PDS5B: variants seen among roughly 807,000 people sequenced by gnomAD.
PDS5B encodes sister chromatid cohesion protein PDS5 homolog B.
A neutral mutation model predicts 184.1 loss-of-function variants in PDS5B; 51 were observed. The ratio of observed to expected loss-of-function variants is 0.28; its 90% CI spans 0.22 to 0.35. The LOEUF (loss-of-function observed/expected upper bound fraction) is 0.35. Among genes scored for constraint, PDS5B ranks in the 10% least tolerant of loss-of-function variants. PDS5B has a pLI of 1.00. For missense variants in PDS5B, 1,180 were observed against 1,723.3 expected, an observed-to-expected ratio of 0.68 and a Z score of 5.58; for synonymous variants, 566 against 569.2, an observed-to-expected ratio of 0.99 and a Z score of 0.08.
intron 14 of PDS5B, among the ~76,000 whole-genome samples, chr13:32,695,583 TA>T (rs1486562075): frequency 1.3e-5 from 2 of 152,026 alleles, no homozygotes; most frequent in African/African-American, 4.8e-5. Flanking sequence ...CTTACATGTA[TA>T]TAAAATTATT....
At chr13:32,631,388 C>T (rs147098543) in intron 1 of PDS5B, among the ~76,000 whole-genome samples, 70 of 152,246 alleles carry the variant, frequency 4.6e-4, no homozygotes, top group African/African-American at 1.2e-3. Context: ...CCGTGGCGCT[C>T]GGCCCCTATT....
In PDS5B at chr13:32,648,847, A is replaced by G. The variant is rs1314670210; in HGVS notation, c.75A>G (p.Lys25=). 2.6e-6 allele frequency: 4 copies of G among 1,527,254 alleles called. No individual in the cohort carries two copies. In the South Asian group the frequency reaches 4.5e-5, roughly 17 times the overall value. 94.6% of individuals were successfully genotyped at this position (1,527,254 alleles called of 1,614,324 possible). Residue 25 remains lysine (K), a synonymous_variant, in exon 2 of 35, where the codon AAA becomes AAG. Coordinates refer to ENST00000315596, the MANE Select transcript of PDS5B (RefSeq NM_015032.4). ...YPPGVKEISD[K]ISKEEMVRRL... ...CTGGGGTCAAGGAAATATCAGATAA[A>G]ATATCTAAAGAGGAGATGGTGAGAC... is the stretch of plus-strand genomic sequence containing the variant.
At chr13:32,657,165 G>T (rs1950535875) in intron 3 of PDS5B, among the ~76,000 whole-genome samples, 1 of 152,306 alleles carries the variant, frequency 6.6e-6, no homozygotes, top group African/African-American at 2.4e-5. Context: ...AATTCTGTCA[G>T]TGGAGTGTTA....
At chr13:32,689,281 A>C (rs1268902211) in intron 13 of PDS5B, 2 of 152,114 alleles carry the variant, frequency 1.3e-5, no homozygotes, top group Non-Finnish European at 2.9e-5. Context: ...GCTGTATGTA[A>C]TTTTCATTTG....
intron 20 of PDS5B, among the ~76,000 whole-genome samples, chr13:32,733,985 A>AACACAC (rs148714647): frequency 0.024 from 3,399 of 142,008 alleles, 62 homozygotes; most frequent in Non-Finnish European, 0.035. Flanking sequence ...CAAAAATTAA[A>AACACAC]ACACACACAC....
intron 31 of PDS5B, among the ~76,000 whole-genome samples, chr13:32,767,204 C>T (rs116705790): frequency 0.018 from 2,716 of 152,092 alleles, 58 homozygotes; most frequent in African/African-American, 0.052. Flanking sequence ...ACTTAAGATC[C>T]GTTCTTGACA....
At chr13:32,617,039 A>G (rs2058229970) in intron 1 of PDS5B, among the ~76,000 whole-genome samples, 1 of 152,188 alleles carries the variant, frequency 6.6e-6, no homozygotes, top group African/African-American at 2.4e-5. Context: ...GTCTTTGCGT[A>G]GAGAACTCAT....
chr13:32,636,930 TG>T (rs965407688), intron 1 of PDS5B, among the ~76,000 whole-genome samples: 1 of 152,178 alleles, frequency 6.6e-6, no homozygotes, highest in Non-Finnish European at 1.5e-5. Context: ...TAGCCAGGCA[TG>T]AGGGCTAGAG....
At chr13:32,610,895 GT>G (rs2058131132) in intron 1 of PDS5B, among the ~76,000 whole-genome samples, 1 of 151,914 alleles carries the variant, frequency 6.6e-6, no homozygotes, top group African/African-American at 2.4e-5. Context: ...TCTCCTCTTA[GT>G]ATTATACCAT....
intron 1 of PDS5B, among the ~76,000 whole-genome samples, chr13:32,641,289 T>C (rs1950081516): frequency 6.6e-6 from 1 of 152,142 alleles, no homozygotes; most frequent in African/African-American, 2.4e-5. Context: ...TCAATACCTG[T>C]TTTTCATTGA....
chr13:32,719,396 T>C (rs1952589885), intron 19 of PDS5B, among the ~76,000 whole-genome samples: 1 of 152,182 alleles, frequency 6.6e-6, no homozygotes, highest in South Asian at 2.1e-4. Context: ...TTGCCCACGC[T>C]GGTCTTGATC....
intron 19 of PDS5B, 31 bp downstream of exon 19, chr13:32,710,137 G>T: frequency 1.5e-6 from 2 of 1,368,854 alleles, no homozygotes; most frequent in Non-Finnish European, 1.9e-6. Context: ...AAAATATTCT[G>T]GACATCAGAA....
chr13:32,599,328 A>T (rs994672463), intron 1 of PDS5B, among the ~76,000 whole-genome samples: 3 of 151,562 alleles, frequency 2.0e-5, no homozygotes, highest in Admixed American at 1.3e-4. Context: ...CAGTGGCGTG[A>T]TCTCAGCTCA....
chr13:32,645,580 C>G lies in PDS5B; in HGVS notation c.-19-3174C>G, dbSNP rs116898066. Among the ~76,000 whole-genome samples the G allele has an allele frequency of 4.9e-3, 739 of 152,200 alleles. 2 individuals are homozygous for G. The highest frequency in any genetic ancestry group is 7.7e-3 in the Non-Finnish European group (525 of 67,998). ...TCTACATTTTCAAATGTTATATTAT[C>G]AAATTTATAAGATTGACCTGTGATT... On this transcript the variant is annotated intron_variant, in intron 1 of 34. Transcript: ENST00000315596.
At chr13:32,646,980 A>C (rs552645088) in intron 1 of PDS5B, among the ~76,000 whole-genome samples, 8 of 152,274 alleles carry the variant, frequency 5.3e-5, no homozygotes, top group Admixed American at 1.3e-4. Flanking sequence ...TTTAAATGCT[A>C]TTCCTTTCAA....
Position 32,775,260 on chromosome 13 carries a change from A to G in PDS5B, c.*208A>G, listed in dbSNP as rs1954921485. On this transcript the variant is annotated 3_prime_UTR_variant, in exon 35 of 35. Coordinates refer to ENST00000315596, the MANE Select transcript of PDS5B (RefSeq NM_015032.4). The stretch of plus-strand genomic sequence containing the variant: ...GTAACATTGACTATGGAGTCTTGTG[A>G]AAGTGTAATGTGCGATGGCTATGTA... The G allele has an allele frequency of 5.3e-6, 3 of 570,762 alleles. No homozygotes were observed. In the South Asian group the frequency reaches 6.9e-5, roughly 13 times the overall value. 35.4% of individuals were successfully genotyped at this position (570,762 alleles called of 1,614,324 possible).
At chr13:32,589,370 T>C (rs1420429416) in intron 1 of PDS5B, among the ~76,000 whole-genome samples, 1 of 152,210 alleles carries the variant, frequency 6.6e-6, no homozygotes, top group Non-Finnish European at 1.5e-5. Flanking sequence ...TTTTTATTCA[T>C]TTAACCAAGA....
intron 10 of PDS5B, 94 bp downstream of exon 10, chr13:32,679,023 G>A (rs1417108108): frequency 4.8e-6 from 3 of 621,556 alleles, no homozygotes; most frequent in Non-Finnish European, 8.6e-6. Context: ...TTTTTCGGGG[G>A]TGGTAGGTGA....
At chr13:32,716,809 T>C (rs1474168635) in intron 19 of PDS5B, among the ~76,000 whole-genome samples, 21 of 68,940 alleles carry the variant, frequency 3.0e-4, no homozygotes, top group South Asian at 1.3e-3. Flanking sequence ...GTCAGCCCCC[T>C]GCCCGGCCAG....
Sources: gnomAD v4.1 joint callset for allele counts (sites outside exome capture counted in the v4.1 genomes callset) on GRCh38, gnomAD v4.1.1 for gene constraint, MANE v1.5 for transcripts, NCBI Gene and HGNC (gene_info 2026-07-23, HGNC 2026-07-21) for gene names.